Variants in KTN1 observed in about 807,000 individuals in gnomAD.
The protein encoded by KTN1 is kinectin.
A neutral mutation model predicts 222.5 loss-of-function variants in KTN1; 130 were observed. The ratio of observed to expected loss-of-function variants is 0.58; its 90% CI spans 0.51 to 0.68. The LOEUF is 0.68. Among genes scored for constraint, KTN1 ranks in the 30% least tolerant of loss-of-function variants. KTN1 has a pLI of 0.00. For missense variants in KTN1, 1,508 were observed against 1,500.4 expected, an observed-to-expected ratio of 1.01 and a Z score of -0.08; for synonymous variants, 512 against 496.3, an observed-to-expected ratio of 1.03 and a Z score of -0.42.
Position 55,664,036 on chromosome 14 carries a change from T to C in KTN1, c.3172T>C (p.Ser1058Pro). Residue 1058 changes from serine to proline, a missense_variant, in exon 33 of 44, where the codon TCC (serine) becomes CCC (proline). Coordinates refer to ENST00000395314, the MANE Select transcript of KTN1 (RefSeq NM_001079521.2). ...GCTGCAGGACAAAGTGAACAAGACT[T>C]CCAAGGTTGTAATGCTAACTCCTAG... is the stretch of plus-strand genomic sequence containing the variant. The part of the protein sequence containing the change: ...KMLQDKVNKT[S>P]KERQQQVEAV... The C allele has an allele frequency of 6.2e-7, 1 of 1,607,138 alleles. No homozygotes were observed. Among genetic ancestry groups the C allele is most frequent in the African/African-American group, 1.3e-5 (1 of 74,800 alleles).
chr14:55,651,635 GA>G, intron 24 of KTN1: 3 of 446,188 alleles, frequency 6.7e-6, no homozygotes, highest in East Asian at 4.0e-5. Context: ...CTAGCCTAAA[GA>G]AAAAAAGCAT....
At chr14:55,617,175 T>C (rs1396550405) in intron 3 of KTN1, among the ~76,000 whole-genome samples, 1 of 152,188 alleles carries the variant, frequency 6.6e-6, no homozygotes, top group Non-Finnish European at 1.5e-5. Context: ...CTTAAAATTA[T>C]GACATATCAA....
rs1334483921 is a variant in KTN1, at chr14:55,671,578, A to C, written c.3361A>C (p.Lys1121Gln). The stretch of plus-strand genomic sequence containing the variant: ...TCGTTCTTTGCAGGTTCTAGAGCAC[A>C]AGTTGAAAGAAGCTGATGAAATGCA... ...GSEEVKVLEH[K>Q]LKEADEMHTL... Residue 1121 changes from lysine (K) to glutamine (Q), a missense_variant, in exon 36 of 44, where the codon AAG becomes CAG. By Grantham distance (53) the Lys-to-Gln change is moderately conservative (BLOSUM62 1). Transcript: ENST00000395314. 3.1e-6 allele frequency: 5 copies of C among 1,609,822 alleles called. No homozygotes were observed. The South Asian group carries it at 5.6e-5, about 18-fold the overall frequency.
chr14:55,636,765 T>C lies in KTN1; in HGVS notation c.1549+229T>C, dbSNP rs75462938. 1.0e-3 allele frequency among the ~76,000 whole-genome samples: 159 copies of C among 152,198 alleles called. 3 individuals carry two copies. The East Asian group carries it at 0.025, about 24-fold the overall frequency. ...AAGTTGCAGGCAAAATTATAGTACA[T>C]GATAGGTTAATGGGATCCTGGCTGT... On this transcript the variant is annotated intron_variant, in intron 10 of 43. Transcript: ENST00000395314.
At chr14:55,589,656 CTT>C (rs765755065) in intron 1 of KTN1, among the ~76,000 whole-genome samples, 5 of 102,054 alleles carry the variant, frequency 4.9e-5, no homozygotes, top group South Asian at 3.8e-4. Context: ...CATCTGATTT[CTT>C]TTTTTTTTTT....
intron 13 of KTN1, 106 bp from the exon 14 acceptor site, chr14:55,639,807 A>G: frequency 5.7e-6 from 4 of 707,208 alleles, no homozygotes; most frequent in Non-Finnish European, 1.0e-5. Context: ...AATGGAAGGT[A>G]TATGAGAACT....
intron 33 of KTN1, among the ~76,000 whole-genome samples, chr14:55,665,127 T>C (rs1301309833): frequency 1.3e-5 from 2 of 152,040 alleles, no homozygotes; most frequent in African/African-American, 4.8e-5. Flanking sequence ...GAGAGGTATA[T>C]TGGGACCAGA....
At chr14:55,608,646 C>CA (rs1406372294) in intron 1 of KTN1, among the ~76,000 whole-genome samples, 4 of 142,694 alleles carry the variant, frequency 2.8e-5, no homozygotes, top group African/African-American at 1.0e-4. Context: ...TTTTTTGAGA[C>CA]AGAGTCTCGC....
chr14:55,674,410 A>G (rs960768458), intron 40 of KTN1: 17 of 152,078 alleles, frequency 1.1e-4, no homozygotes, highest in African/African-American at 4.1e-4. Context: ...CAAAGTTCAG[A>G]TTTTCAGATT....
rs561045256 is a variant in KTN1 at position 55,616,457 on chromosome 14, A to G, written c.524-60A>G. 7.7e-5 allele frequency: 111 copies of G among 1,433,716 alleles called. No individual in the cohort carries two copies. In the South Asian group the frequency reaches 1.4e-3, roughly 18 times the overall value. The allele number at this position is 1,433,716 out of a possible 1,614,324, so 88.8% of individuals were successfully genotyped here. ...ATTCTGGGAATTACTCAGTGATTGC[A>G]TCTTTTCCGTTATGTTCATTGTTTG... On this transcript the variant is annotated intron_variant, in intron 2 of 43. Transcript: ENST00000395314.
intron 43 of KTN1, chr14:55,682,174 A>G (rs865836357): frequency 6.6e-6 from 1 of 152,182 alleles, no homozygotes; most frequent in African/African-American, 2.4e-5. Flanking sequence ...CATAGTACTT[A>G]GCGTTTCTTA....
At position 55,637,888 on chromosome 14, in the gene KTN1, G is replaced by C. The variant is rs371754794; in HGVS notation, c.1785+41G>C. On this transcript the variant is annotated intron_variant, in intron 12 of 43. Transcript: ENST00000395314. Reference sequence around the variant, plus strand: ...TATTGCTTATGATTAATAACTTGCAGCCATTTAAACACTCACCTGAATGTC... The same window carrying C: ...TATTGCTTATGATTAATAACTTGCACCCATTTAAACACTCACCTGAATGTC... 2.0e-6 allele frequency: 3 copies of C among 1,504,920 alleles called. No individual in the cohort carries two copies. In the African/African-American group the frequency reaches 4.1e-5, roughly 21 times the overall value. The allele number at this position is 1,504,920 out of a possible 1,614,324, so 93.2% of individuals were successfully genotyped here.
Position 55,639,181 on chromosome 14 carries a change from T to A in KTN1, c.1786-4T>A. On this transcript the variant is annotated splice_region_variant and splice_polypyrimidine_tract_variant and intron_variant, in intron 12 of 43. Transcript: ENST00000395314. ...TTTATGTTGACACTATTTTTCTTTC[T>A]TAGACCTCCGCTTCAGTTCTAGCAG... 6.3e-7 allele frequency: 1 copy of A among 1,596,570 alleles called. No homozygotes were observed. Among genetic ancestry groups the A allele is most frequent in the African/African-American group, 1.3e-5 (1 of 74,584 alleles).
rs549808815 is a variant in KTN1, at chr14:55,638,788, A to G, written c.1786-397A>G. On this transcript the variant is annotated intron_variant, in intron 12 of 43. Transcript: ENST00000395314. ...GCTGTAAGAATCTTTTAAATAGTAA[A>G]CATGAACATGGGTATTACTAAACTA... Among the ~76,000 whole-genome samples, 4 of 151,950 alleles carry G rather than the reference A, an allele frequency of 2.6e-5. No individual in the cohort carries two copies. In the East Asian group the frequency reaches 7.7e-4, roughly 29 times the overall value.
At chr14:55,601,470 C>T (rs781553163) in intron 1 of KTN1, among the ~76,000 whole-genome samples, 47 of 152,122 alleles carry the variant, frequency 3.1e-4, no homozygotes, top group Admixed American at 9.2e-4. Context: ...TGTATAATTG[C>T]GTTGTGCACT....
Position 55,684,225 on chromosome 14 carries a change from C to A in KTN1, c.*122C>A. ...TCAGAAACACTGAACAGAGTTTTGT[C>A]TTTTCTAATCCTTGTTAGACTACTG... On this transcript the variant is annotated 3_prime_UTR_variant, in exon 44 of 44. Transcript: ENST00000395314. 1.4e-6 allele frequency: 1 copy of A among 700,540 alleles called. No individual in the cohort carries two copies. Among genetic ancestry groups the A allele is most frequent in the South Asian group, 2.4e-5 (1 of 41,772 alleles). The allele number at this position is 700,540 out of a possible 1,614,324, so 43.4% of individuals were successfully genotyped here. A position where few individuals can be genotyped will look rare whatever the true frequency, so the allele number is the denominator to read the frequency against.
intron 14 of KTN1, 95 bp downstream of exon 14, chr14:55,640,098 A>G: frequency 1.3e-6 from 1 of 790,428 alleles, no homozygotes; most frequent in Non-Finnish European, 2.1e-6. Context: ...TGAAAAATGG[A>G]AAATAGTCTA....
intron 12 of KTN1, 39 bp downstream of exon 12, chr14:55,637,886 C>A (rs749517762): frequency 1.6e-5 from 24 of 1,512,778 alleles, no homozygotes; most frequent in Non-Finnish European, 2.1e-5. Context: ...TAATAACTTG[C>A]AGCCATTTAA....
chr14:55,638,225 G>A (rs1951887), intron 12 of KTN1, among the ~76,000 whole-genome samples: 50,959 of 151,584 alleles, frequency 0.34, 8,592 homozygotes, highest in South Asian at 0.37. Flanking sequence ...AGGGGGAACA[G>A]TATGGTAACC....
Sources: gnomAD v4.1 joint callset for allele counts (sites outside exome capture counted in the v4.1 genomes callset) on GRCh38, gnomAD v4.1.1 for gene constraint, MANE v1.5 for transcripts, NCBI Gene and HGNC (gene_info 2026-07-23, HGNC 2026-07-21) for gene names.